Variants in PPP4R3B observed in about 807,000 individuals in gnomAD.
PPP4R3B encodes the protein serine/threonine-protein phosphatase 4 regulatory subunit 3B.
Under a neutral mutation model 95.4 loss-of-function variants are expected in PPP4R3B, and 52 were observed. The ratio of observed to expected loss-of-function variants is 0.54; its 90% confidence interval spans 0.44 to 0.69. The LOEUF is 0.69. PPP4R3B is among the 30% of genes least tolerant of loss of function. The pLI, the probability that PPP4R3B is intolerant of heterozygous loss-of-function variation, is 0.00. For synonymous variants in PPP4R3B, 407 were observed against 343.9 expected, an observed-to-expected ratio of 1.18 and a Z score of -2.03; for missense variants, 1,003 against 1,005.9, an observed-to-expected ratio of 1.00 and a Z score of 0.04.
chr2:55,591,644 C>T, intron 4 of PPP4R3B: 3 of 984,810 alleles, frequency 3.0e-6, no homozygotes, highest in Non-Finnish European at 3.6e-6. Flanking sequence ...AATGCAATTT[C>T]CCACTTGAAT....
chr2:55,568,069 A>G (rs1687533252), intron 13 of PPP4R3B, 125 bp downstream of exon 13: 1 of 564,464 alleles, frequency 1.8e-6, no homozygotes, highest in Non-Finnish European at 2.7e-6. Context: ...ATTCTAAGAC[A>G]CATGGAATAT....
chr2:55,570,872 C>G (rs991329596), intron 12 of PPP4R3B, among the ~76,000 whole-genome samples: 9 of 152,116 alleles, frequency 5.9e-5, no homozygotes, highest in Admixed American at 5.2e-4. Context: ...ACTTAAGATG[C>G]AAAAGACTGA....
At chr2:55,616,623 T>C (rs1311721330) in intron 1 of PPP4R3B, 1 of 152,218 alleles carries the variant, frequency 6.6e-6, no homozygotes, top group Non-Finnish European at 1.5e-5. Flanking sequence ...TATGTGCTTG[T>C]GTGTCCATGT....
Position 55,578,328 on chromosome 2 carries a change from G to A in PPP4R3B, c.1483C>T (p.His495Tyr). Residue 495 changes from histidine to tyrosine, a missense_variant, in exon 10 of 17, where the codon CAT becomes TAT. His to Tyr is a moderately conservative substitution (Grantham distance 83). Transcript: ENST00000616407. ...ATGAAACTCCAACTATATCTGTAAT[G>A]TTTTAAAAAAAAATCTGAAAAAAAA... ...DKCEKDFFLKHYRYSWSFICT... is the reference protein window; with the variant it reads ...DKCEKDFFLKYYRYSWSFICT... 1 of 1,423,530 alleles carries A rather than the reference G, an allele frequency of 7.0e-7. No homozygotes were observed. The highest frequency in any genetic ancestry group is 1.8e-5 in the South Asian group (1 of 56,664). 88.2% of individuals were successfully genotyped at this position (1,423,530 alleles called of 1,614,324 possible).
chr2:55,591,433 A>G (rs1204241522), intron 4 of PPP4R3B: 5 of 786,326 alleles, frequency 6.4e-6, no homozygotes, highest in Non-Finnish European at 7.7e-6. Context: ...ATGAGCCACC[A>G]TGCCCAGCCT....
chr2:55,565,086 G>A, intron 13 of PPP4R3B, 45 bp from the exon 14 acceptor site: 1 of 1,425,340 alleles, frequency 7.0e-7, no homozygotes, highest in South Asian at 1.4e-5. Context: ...TACAATGCTT[G>A]TTAGAAGAAA....
intron 4 of PPP4R3B, among the ~76,000 whole-genome samples, chr2:55,596,379 C>G (rs767881451): frequency 8.5e-5 from 13 of 152,268 alleles, no homozygotes; most frequent in Non-Finnish European, 4.4e-5. Context: ...AACGAATCCT[C>G]GGGCAACAAC....
At chr2:55,564,063 T>C (rs1686971065) in intron 15 of PPP4R3B, among the ~76,000 whole-genome samples, 1 of 152,170 alleles carries the variant, frequency 6.6e-6, no homozygotes, top group African/African-American at 2.4e-5. Flanking sequence ...AAAGTATAAG[T>C]AGATAATTCA....
Position 55,581,577 on chromosome 2 carries a change from G to C in PPP4R3B, c.1355C>G (p.Ala452Gly). 1 of 1,611,612 alleles carries C rather than the reference G, an allele frequency of 6.2e-7. No homozygotes were observed. Among genetic ancestry groups the C allele is most frequent in the African/African-American group, 1.3e-5 (1 of 74,922 alleles). Residue 452 changes from alanine (A) to glycine (G), a missense_variant, in exon 8 of 17, where the codon GCT (alanine) becomes GGT (glycine). Ala to Gly is a moderately conservative substitution (Grantham distance 60). Transcript: ENST00000616407. ...RTLIDPENML[A>G]TTNKTEKSEF... ...AGAGTAATTTCTTACATTAGTTGTAGCCAGCATGTTCTCTGGATCAATTAG... is the reference window on the plus strand; with the variant it reads ...AGAGTAATTTCTTACATTAGTTGTACCCAGCATGTTCTCTGGATCAATTAG...
intron 2 of PPP4R3B, among the ~76,000 whole-genome samples, chr2:55,608,410 G>C (rs1224087473): frequency 6.6e-6 from 1 of 152,212 alleles, no homozygotes; most frequent in African/African-American, 2.4e-5. Context: ...CTGACCCTGG[G>C]AAACAGTCAA....
intron 2 of PPP4R3B, among the ~76,000 whole-genome samples, chr2:55,607,028 C>G (rs545868286): frequency 6.6e-6 from 1 of 152,048 alleles, no homozygotes; most frequent in Admixed American, 6.6e-5. Flanking sequence ...GGCACCTATC[C>G]ATTTTGTTTG....
At chr2:55,589,383 A>G (rs1452839453) in intron 4 of PPP4R3B, among the ~76,000 whole-genome samples, 1 of 152,248 alleles carries the variant, frequency 6.6e-6, no homozygotes, top group African/African-American at 2.4e-5. Flanking sequence ...AAAACAGTAA[A>G]GGAGGCTGAA....
rs916300838 is a variant in PPP4R3B at position 55,578,267 on chromosome 2, G to T, written c.1544C>A (p.Pro515His). Residue 515 changes from proline (P) to histidine (H), a missense_variant, in exon 10 of 17, where the codon CCC becomes CAC. Physicochemically the swap from Pro to His is moderately conservative, Grantham distance 77. Transcript: ENST00000616407. The part of the protein sequence containing the change: ...TPSHSHSHST[P>H]SSSISQDNIV... ...CATACCTTGAGAGATGGAGGAAGAG[G>T]GGGTAGAATGGGAATGGGAATGTGA... is the stretch of plus-strand genomic sequence containing the variant. 3 of 1,475,240 alleles carry T rather than the reference G, an allele frequency of 2.0e-6. No homozygotes were observed. Among genetic ancestry groups the T allele is most frequent in the Non-Finnish European group, 2.7e-6 (3 of 1,110,070 alleles). 91.4% of individuals were successfully genotyped at this position (1,475,240 alleles called of 1,614,324 possible). A position where few individuals can be genotyped will look rare whatever the true frequency, so the allele number is the denominator to read the frequency against.
At position 55,559,295 on chromosome 2, in the gene PPP4R3B, G is replaced by A. The variant is rs190517663; in HGVS notation, c.2261-327C>T. On this transcript the variant is annotated intron_variant, in intron 15 of 16. Transcript: ENST00000616407. The stretch of plus-strand genomic sequence containing the variant: ...TGGGAGGCAGAGGTTGTGGTGAGCC[G>A]AGATCGCACCACTGCACTCCAGCCT... 1.1e-3 allele frequency among the ~76,000 whole-genome samples: 165 copies of A among 152,066 alleles called. 1 individual carries two copies. Among genetic ancestry groups the A allele is most frequent in the African/African-American group, 3.2e-3 (132 of 41,470 alleles).
At chr2:55,574,446 G>C (rs1688388083) in intron 11 of PPP4R3B, among the ~76,000 whole-genome samples, 1 of 151,586 alleles carries the variant, frequency 6.6e-6, no homozygotes, top group African/African-American at 2.4e-5. Flanking sequence ...TCTATAAAAG[G>C]GCCCATTGTT....
chr2:55,571,971 A>G (rs1688062574), intron 12 of PPP4R3B, among the ~76,000 whole-genome samples: 1 of 152,256 alleles, frequency 6.6e-6, no homozygotes, highest in African/African-American at 2.4e-5. Context: ...CAGAAATAAA[A>G]CAAAAGTATA....
intron 4 of PPP4R3B, chr2:55,591,804 T>A (rs1363029349): frequency 7.0e-6 from 2 of 284,532 alleles, no homozygotes; most frequent in Non-Finnish European, 1.1e-5. Flanking sequence ...TGGCTATTAT[T>A]CATTAAGCTA....
chr2:55,601,067 C>A (rs752268623), intron 3 of PPP4R3B, among the ~76,000 whole-genome samples: 1 of 148,900 alleles, frequency 6.7e-6, no homozygotes, highest in Non-Finnish European at 1.5e-5. Context: ...ATCCCTTCAG[C>A]CTGGGAGGCA....
chr2:55,603,248 C>T (rs1303838493), intron 3 of PPP4R3B, among the ~76,000 whole-genome samples: 1 of 152,044 alleles, frequency 6.6e-6, no homozygotes, highest in African/African-American at 2.4e-5. Context: ...TAACCGCGTC[C>T]GGATGGACAA....
Sources: gnomAD v4.1 joint callset for allele counts (sites outside exome capture counted in the v4.1 genomes callset) on GRCh38, gnomAD v4.1.1 for gene constraint, MANE v1.5 for transcripts, NCBI Gene and HGNC (gene_info 2026-07-23, HGNC 2026-07-21) for gene names.